Variants in DIPK1A observed in about 807,000 individuals in gnomAD.
DIPK1A encodes family with sequence similarity 69 member A.
DIPK1A carries 27 observed loss-of-function variants against 40.8 expected under a neutral mutation model. The observed-to-expected ratio is 0.66, with a 90% CI of 0.49 to 0.91. The LOEUF is 0.91. Ranked by LOEUF, DIPK1A falls within the 40% of genes least tolerant of loss-of-function variation. The pLI is 0.00. For missense variants in DIPK1A, 412 were observed against 505.7 expected (o/e 0.81, Z 1.78); for synonymous variants, 166 against 171.3 (o/e 0.97, Z 0.24).
intron 1 of DIPK1A, among the ~76,000 whole-genome samples, chr1:92,877,477 A>G (rs1648181070): frequency 6.6e-6 from 1 of 152,218 alleles, no homozygotes; most frequent in Admixed American, 6.5e-5. Context: ...GCAGAAAGAG[A>G]TGAGAGAGAC....
intron 1 of DIPK1A, among the ~76,000 whole-genome samples, chr1:92,960,785 G>A (rs995226462): frequency 6.6e-6 from 1 of 152,142 alleles, no homozygotes; most frequent in African/African-American, 2.4e-5. Flanking sequence ...TTAAATCTTG[G>A]GTGTGATGGA....
At chr1:92,927,507 C>T (rs1027616851) in intron 1 of DIPK1A, among the ~76,000 whole-genome samples, 2 of 151,810 alleles carry the variant, frequency 1.3e-5, no homozygotes, top group Non-Finnish European at 1.5e-5. Flanking sequence ...GCACCTGGCC[C>T]AGTTCAATGT....
rs1961951 is a variant in DIPK1A, at chr1:92,843,530, A to G, written c.1140T>C (p.Ser380=). Residue 380 remains serine, a synonymous_variant, in exon 5 of 5, where the codon AGT becomes AGC. Transcript: ENST00000370310. The part of the protein sequence containing the change: ...LKDYLLRGAP[S]EIREELEKQL... ...GCTTTTCTAATTCTTCACGAATTTC[A>G]CTTGGAGCACCACGCAGTAGGTAGT... The G allele has an allele frequency of 2.2e-3, 3,340 of 1,552,014 alleles. 62 individuals are homozygous for G. In the African/African-American group the frequency reaches 0.039, roughly 18 times the overall value.
At chr1:92,882,978 A>T (rs1004803289) in intron 1 of DIPK1A, among the ~76,000 whole-genome samples, 3 of 152,224 alleles carry the variant, frequency 2.0e-5, no homozygotes, top group African/African-American at 7.2e-5. Flanking sequence ...TTGTGCCAGG[A>T]GGAAGTCTAA....
intron 1 of DIPK1A, among the ~76,000 whole-genome samples, chr1:92,954,340 T>C (rs1651756659): frequency 6.6e-6 from 1 of 150,958 alleles, no homozygotes; most frequent in Non-Finnish European, 1.5e-5. Context: ...AATGGATATG[T>C]TAAAAATATT....
At position 92,843,100 on chromosome 1, in the gene DIPK1A, GA is replaced by G. The variant is rs1490255792; in HGVS notation, c.*282del. 1.8e-6 allele frequency: 2 copies of G among 1,096,670 alleles called. No homozygotes were observed. Among genetic ancestry groups the G allele is most frequent in the East Asian group, 1.3e-4 (2 of 15,664 alleles). The allele number at this position is 1,096,670 out of a possible 1,614,324, so 67.9% of individuals were successfully genotyped here. On this transcript the variant is annotated 3_prime_UTR_variant, in exon 5 of 5. Transcript: ENST00000370310. ...CACTCACTGTTGATGTTTATGGAAT[GA>G]AGCTTTTCACAGCATTGGTTTTTAA...
At chr1:92,944,695 C>T (rs1481196865) in intron 1 of DIPK1A, among the ~76,000 whole-genome samples, 1 of 152,148 alleles carries the variant, frequency 6.6e-6, no homozygotes, top group Non-Finnish European at 1.5e-5. Context: ...TGCAGTGGTG[C>T]GATCTTGGCT....
chr1:92,877,150 T>A (rs1022166828), intron 1 of DIPK1A: 23 of 985,306 alleles, frequency 2.3e-5, no homozygotes, highest in Non-Finnish European at 6.0e-6. Context: ...CTCTTTGCAT[T>A]GTTTTGTTTC....
At chr1:92,914,812 G>A (rs1271345724) in intron 1 of DIPK1A, among the ~76,000 whole-genome samples, 11 of 148,852 alleles carry the variant, frequency 7.4e-5, no homozygotes, top group Non-Finnish European at 1.2e-4. Context: ...AGGGCTGGGC[G>A]CGGTGGCTCA....
chr1:92,833,715 G>GCTTCC, intron 4 of DIPK1A: 1 of 1,401,584 alleles, frequency 7.1e-7, no homozygotes, highest in Non-Finnish European at 1.0e-6. Flanking sequence ...ATTGTGCTTG[G>GCTTCC]GAAGCAAAGC....
At chr1:92,867,032 G>GTACATTTA (rs1647577944) in intron 2 of DIPK1A, among the ~76,000 whole-genome samples, 1 of 152,054 alleles carries the variant, frequency 6.6e-6, no homozygotes, top group Non-Finnish European at 1.5e-5. Context: ...ATAACTTACT[G>GTACATTTA]TACATTTACC....
At chr1:92,853,617 A>C (rs969457809) in intron 2 of DIPK1A, among the ~76,000 whole-genome samples, 2 of 152,220 alleles carry the variant, frequency 1.3e-5, no homozygotes, top group Non-Finnish European at 2.9e-5. Flanking sequence ...AGGATTAAAT[A>C]GTGTAAGTAT....
intron 1 of DIPK1A, chr1:92,933,241 T>G (rs755726168): frequency 2.0e-5 from 3 of 151,848 alleles, no homozygotes; most frequent in Admixed American, 6.6e-5. Context: ...GAACATAACT[T>G]AAAATAAAAA....
chr1:92,881,172 C>CAAAAA (rs71094212), intron 1 of DIPK1A, among the ~76,000 whole-genome samples: 1 of 50,710 alleles, frequency 2.0e-5, no homozygotes, highest in African/African-American at 7.7e-5. Context: ...GACTCGGTCT[C>CAAAAA]AAAAAAAAAA....
At chr1:92,886,718 A>G (rs1648616165) in intron 1 of DIPK1A, among the ~76,000 whole-genome samples, 1 of 152,100 alleles carries the variant, frequency 6.6e-6, no homozygotes, top group African/African-American at 2.4e-5. Flanking sequence ...AGCACTTTCT[A>G]TATATTAATA....
rs376415873 is a variant in DIPK1A at position 92,835,545 on chromosome 1, A to C, written c.475-2511T>G. On this transcript the variant is annotated intron_variant, in intron 4 of 4. Transcript: ENST00000615519. ...CATGATGGTGTGTGTCTGTAGTCCC[A>C]ACTACTTGGGAGGCTGAGGCAGGAG... Among the ~76,000 whole-genome samples the C allele has an allele frequency of 1.4e-4, 21 of 151,850 alleles. 1 individual carries two copies. The South Asian group carries it at 4.2e-3, about 30-fold the overall frequency.
At position 92,902,734 on chromosome 1, in the gene DIPK1A, G is replaced by A. The variant is rs77456065; in HGVS notation, c.55-26304C>T. ...CAGCTGATCCTGATTAGGGGGTGGG[G>A]TGGTGGAGGATGATGTTGCCTTCCG... On this transcript the variant is annotated intron_variant, in intron 1 of 4. Transcript: ENST00000370310. Among the ~76,000 whole-genome samples the A allele has an allele frequency of 7.9e-4, 120 of 152,272 alleles. 3 individuals are homozygous for A. In the East Asian group the frequency reaches 0.02, roughly 26 times the overall value.
chr1:92,897,798 C>T (rs542696412), intron 1 of DIPK1A, among the ~76,000 whole-genome samples: 1 of 149,262 alleles, frequency 6.7e-6, no homozygotes, highest in South Asian at 2.1e-4. Flanking sequence ...TTTTGTGTCA[C>T]TATAAAGGAA....
chr1:92,956,015 G>A (rs1368577604), intron 1 of DIPK1A, among the ~76,000 whole-genome samples: 1 of 152,006 alleles, frequency 6.6e-6, no homozygotes, highest in African/African-American at 2.4e-5. Context: ...CAGCCTGGGT[G>A]ACAGAGGGAG....
Sources: allele counts gnomAD v4.1 joint callset (sites outside exome capture counted in the v4.1 genomes callset), GRCh38; gene constraint gnomAD v4.1.1; transcripts MANE v1.5; gene names NCBI Gene and HGNC (gene_info 2026-07-23, HGNC 2026-07-21).